The following ATRX variants were observed in gnomAD, a reference collection of about 807,000 sequenced individuals.
ATRX encodes ATRX chromatin remodeler.
In ATRX, 12 loss-of-function variants were observed where a neutral mutation model predicts 172.6. That is an observed-to-expected ratio of 0.07 (90% confidence interval 0.04 to 0.11). ATRX has a LOEUF of 0.11. Among genes scored for constraint, ATRX ranks in the 10% least tolerant of loss-of-function variants. The pLI is 1.00. For missense variants in ATRX, 1,368 were observed against 1,767.4 expected, an observed-to-expected ratio of 0.77 and a Z score of 4.05; for synonymous variants, 674 against 594.7, an observed-to-expected ratio of 1.13 and a Z score of -1.94.
chrX:77,510,528 T>C (rs1557036091), intron 34 of ATRX, among the ~76,000 whole-genome samples: 1 of 109,820 alleles, frequency 9.1e-6, no homozygotes, highest in Non-Finnish European at 1.9e-5. Flanking sequence ...TGGATGGCAT[T>C]TGTGGACCTT....
intron 10 of ATRX, chrX:77,675,256 T>C (rs782114179): frequency 8.9e-6 from 1 of 112,267 alleles, no homozygotes; most frequent in Non-Finnish European, 1.9e-5. Context: ...ATCTCAAATC[T>C]ATCATGGATT....
At position 77,716,323 on chromosome X, in the gene ATRX, AATATATATAT is replaced by A. The variant is rs1292367303; in HGVS notation, c.133+798_133+807del. Among the ~76,000 whole-genome samples, 20 of 21,028 alleles carry A rather than the reference AATATATATAT, an allele frequency of 9.5e-4. 1 individual carries two copies. The East Asian group carries it at 0.019, about 20-fold the overall frequency. 18.3% of individuals were successfully genotyped at this position (21,028 alleles called of 115,157 possible). On this transcript the variant is annotated intron_variant, in intron 2 of 34. Transcript: ENST00000373344. ...CTTTAAAAAAAAAAAAAAAAAAAAA[AATATATATAT>A]ATATATATATATATATCTTTTTAAA...
Position 77,746,210 on chromosome X carries a change from G to C in ATRX, c.21-28967C>G, listed in dbSNP as rs142652077. On this transcript the variant is annotated intron_variant, in intron 1 of 34. Transcript: ENST00000373344. ...AATGAATACAATGTGTGTTATTTGG[G>C]TGATGGAAACTCTAAAGGCTTGACT... Among the ~76,000 whole-genome samples, 25 of 110,813 alleles carry C rather than the reference G, an allele frequency of 2.3e-4. No homozygotes were observed. In the East Asian group the frequency reaches 7.1e-3, roughly 31 times the overall value.
chrX:77,563,702 CGTGTGTGTGTGTGTGTGT>C (rs201190876), intron 28 of ATRX, among the ~76,000 whole-genome samples: 21 of 95,515 alleles, frequency 2.2e-4, no homozygotes, highest in African/African-American at 7.3e-4. Flanking sequence ...TGTGTACATG[CGTGTGTGTGTGTGTGTGT>C]GTGTGTGTGT....
intron 22 of ATRX, among the ~76,000 whole-genome samples, chrX:77,607,719 A>G (rs1193403146): frequency 9.3e-6 from 1 of 108,046 alleles, no homozygotes; most frequent in Non-Finnish European, 1.9e-5. Flanking sequence ...AAAAAAAAAA[A>G]AAAAAAAAAA....
At chrX:77,650,556 T>C (rs1465785071) in intron 15 of ATRX, among the ~76,000 whole-genome samples, 1 of 111,416 alleles carries the variant, frequency 9.0e-6, no homozygotes, top group Non-Finnish European at 1.9e-5. Flanking sequence ...AATATGCAGA[T>C]GGCCCTTGTT....
intron 10 of ATRX, chrX:77,673,921 CAT>C (rs1226918641): frequency 9.0e-6 from 1 of 110,523 alleles, no homozygotes; most frequent in Non-Finnish European, 1.9e-5. Flanking sequence ...AAAAAAGTAA[CAT>C]TATTATTAAA....
At chrX:77,529,991 A>G (rs1557045685) in intron 30 of ATRX, among the ~76,000 whole-genome samples, 1 of 111,936 alleles carries the variant, frequency 8.9e-6, no homozygotes, top group African/African-American at 3.2e-5. Flanking sequence ...AAAACAACAG[A>G]ATATACGTTC....
chrX:77,777,588 C>T (rs1450371317), intron 1 of ATRX, among the ~76,000 whole-genome samples: 1 of 111,405 alleles, frequency 9.0e-6, no homozygotes, highest in Non-Finnish European at 1.9e-5. Flanking sequence ...ATTTTCAAAA[C>T]AAGCATTATA....
intron 23 of ATRX, among the ~76,000 whole-genome samples, chrX:77,600,207 A>G (rs782373929): frequency 8.9e-6 from 1 of 112,075 alleles, no homozygotes; most frequent in African/African-American, 3.2e-5. Context: ...CAACTTTTCT[A>G]TAAGTATAAA....
chrX:77,709,084 G>A (rs1188005044), intron 2 of ATRX, among the ~76,000 whole-genome samples: 1 of 111,229 alleles, frequency 9.0e-6, no homozygotes, highest in Non-Finnish European at 1.9e-5. Flanking sequence ...GCATGTGCCT[G>A]TAGTCTTGGC....
At chrX:77,738,662 C>A (rs1225361174) in intron 1 of ATRX, among the ~76,000 whole-genome samples, 1 of 101,251 alleles carries the variant, frequency 9.9e-6, no homozygotes, top group Non-Finnish European at 2.0e-5. Flanking sequence ...CTCCCAGGTT[C>A]AAGTGATTGT....
chrX:77,687,089 G>A (rs1192565277), intron 7 of ATRX, among the ~76,000 whole-genome samples: 4 of 100,438 alleles, frequency 4.0e-5, no homozygotes, highest in Admixed American at 1.1e-4. Flanking sequence ...GGAGGTGGAC[G>A]TTGTCGTGAG....
intron 10 of ATRX, among the ~76,000 whole-genome samples, chrX:77,667,477 T>C (rs1330949453): frequency 9.0e-6 from 1 of 111,078 alleles, no homozygotes; most frequent in Non-Finnish European, 1.9e-5. Flanking sequence ...TCTAGTTACT[T>C]GAAAGCCTAG....
In ATRX at chrX:77,574,477, A is replaced by G. The variant is rs2065537235; in HGVS notation, c.6218-119T>C. On this transcript the variant is annotated intron_variant, in intron 27 of 34. Coordinates refer to ENST00000373344, the MANE Select transcript of ATRX (RefSeq NM_000489.6). ...TGGGTTATATATATTCTATTTGTAT[A>G]GCAAAATACATTATATACTTTTCTT... The G allele has an allele frequency of 7.9e-6, 4 of 506,523 alleles. No individual in the cohort carries two copies. The East Asian group carries it at 1.4e-4, about 18-fold the overall frequency. 41.7% of individuals were successfully genotyped at this position (506,523 alleles called of 1,213,427 possible). A position where few individuals can be genotyped will look rare whatever the true frequency, so the allele number is the denominator to read the frequency against.
intron 1 of ATRX, among the ~76,000 whole-genome samples, chrX:77,772,936 C>T (rs1220259042): frequency 3.8e-5 from 4 of 104,456 alleles, no homozygotes; most frequent in Non-Finnish European, 7.8e-5. Context: ...CAGCCTCAGA[C>T]TCCTGTGCTC....
intron 10 of ATRX, among the ~76,000 whole-genome samples, chrX:77,665,885 TGA>T (rs2070208760): frequency 8.9e-6 from 1 of 111,936 alleles, no homozygotes; most frequent in South Asian, 3.6e-4. Context: ...AACTTGTAGC[TGA>T]GATGATGGAA....
At chrX:77,511,095 CAG>C (rs782495843) in intron 34 of ATRX, among the ~76,000 whole-genome samples, 5 of 112,316 alleles carry the variant, frequency 4.5e-5, no homozygotes, top group Non-Finnish European at 7.5e-5. Flanking sequence ...TTAGCACAGA[CAG>C]AGAGAGATTC....
At chrX:77,625,589 A>G (rs1331738021) in intron 19 of ATRX, among the ~76,000 whole-genome samples, 1 of 112,646 alleles carries the variant, frequency 8.9e-6, no homozygotes, top group South Asian at 3.7e-4. Flanking sequence ...GGCTAAGAAC[A>G]TGAACAGACA....
Sources: gnomAD v4.1 joint callset for allele counts (sites outside exome capture counted in the v4.1 genomes callset) on GRCh38, gnomAD v4.1.1 for gene constraint, MANE v1.5 for transcripts, NCBI Gene and HGNC (gene_info 2026-07-23, HGNC 2026-07-21) for gene names.